Variants in PRKAG2 observed in about 807,000 individuals in gnomAD.
PRKAG2 encodes the protein protein kinase AMP-activated non-catalytic subunit gamma 2, also known as 5'-AMP-activated protein kinase subunit gamma-2.
PRKAG2 carries 26 observed loss-of-function variants against 69.6 expected under a neutral mutation model. The ratio of observed to expected loss-of-function variants is 0.37; its 90% CI spans 0.27 to 0.52. PRKAG2 has a LOEUF of 0.52. Ranked by LOEUF, PRKAG2 falls within the 20% of genes least tolerant of loss-of-function variation. The pLI, the probability that PRKAG2 is intolerant of heterozygous loss-of-function variation, is 0.90. For synonymous variants in PRKAG2, 293 were observed against 285.0 expected (o/e 1.03, Z -0.28); for missense variants, 557 against 740.0 (o/e 0.75, Z 2.87).
chr7:151,600,530 A>C (rs866254310), intron 5 of PRKAG2, among the ~76,000 whole-genome samples: 20 of 152,292 alleles, frequency 1.3e-4, no homozygotes, highest in East Asian at 7.7e-4. Context: ...TATAATGCAG[A>C]GTTTTGTCAC....
intron 5 of PRKAG2, among the ~76,000 whole-genome samples, chr7:151,610,998 G>A (rs951993222): frequency 1.3e-4 from 20 of 151,994 alleles, no homozygotes; most frequent in African/African-American, 2.7e-4. Context: ...CAGGTGATCC[G>A]TCCACCTTGG....
rs1316252680 is a variant in PRKAG2, at chr7:151,699,497, C to T, written c.467-23860G>A. Among the ~76,000 whole-genome samples, 2 of 152,184 alleles carry T rather than the reference C, an allele frequency of 1.3e-5. No homozygotes were observed. Among genetic ancestry groups the T allele is most frequent in the Admixed American group, 6.5e-5 (1 of 15,280 alleles). The stretch of plus-strand genomic sequence containing the variant: ...GGCCAGCACAGGAGGCCCCTCCTTC[C>T]TGTTGGAGATGTTTAGTTTTATGAT... On this transcript the variant is annotated intron_variant, in intron 3 of 15. Coordinates refer to ENST00000287878, the MANE Select transcript of PRKAG2 (RefSeq NM_016203.4). The surrounding 1 kb of genome is among the most constrained non-coding windows in gnomAD (Gnocchi z 4.5).
rs2076024007 is a variant in PRKAG2 at position 151,771,587 on chromosome 7, C to T, written c.466+9565G>A. 6.6e-6 allele frequency among the ~76,000 whole-genome samples: 1 copy of T among 152,180 alleles called. No homozygotes were observed. Among genetic ancestry groups the T allele is most frequent in the Non-Finnish European group, 1.5e-5 (1 of 68,030 alleles). ...TATATATCAATATCACCTGAGGAGC[C>T]TGTTAAAACTTTCGATTCCAAGACT... On this transcript the variant is annotated intron_variant, in intron 3 of 15. Transcript: ENST00000287878. The surrounding 1 kb of genome is among the most constrained non-coding windows in gnomAD (Gnocchi z 4.0).
chr7:151,558,830 A>G (rs1804327668), intron 15 of PRKAG2: 1 of 985,300 alleles, frequency 1.0e-6, no homozygotes, highest in Non-Finnish European at 1.2e-6. Flanking sequence ...AATTTTTGAA[A>G]TACCAAATCT....
chr7:151,750,127 C>T (rs778554148), intron 3 of PRKAG2, among the ~76,000 whole-genome samples: 84 of 150,794 alleles, frequency 5.6e-4, no homozygotes, highest in Non-Finnish European at 9.0e-4. Flanking sequence ...AGAACTGAAC[C>T]GTTGGCAAGG....
intron 4 of PRKAG2, chr7:151,675,206 C>T: frequency 1.7e-6 from 1 of 589,636 alleles, no homozygotes; most frequent in Non-Finnish European, 3.1e-6. Flanking sequence ...CAGGTGTGAG[C>T]CACCGCACCC....
rs111648956 is a variant in PRKAG2, at chr7:151,693,414, C to T, written c.467-17777G>A. ...TTTGCAGGCCTGAATATGCCCCACC[C>T]GTCCCTCCTCCAGGCCCATCACCTC... is the stretch of plus-strand genomic sequence containing the variant. On this transcript the variant is annotated intron_variant, in intron 3 of 15. Transcript: ENST00000287878. Among the ~76,000 whole-genome samples the T allele has an allele frequency of 3.3e-4, 50 of 152,288 alleles. No homozygotes were observed. In the South Asian group the frequency reaches 5.2e-3, roughly 16 times the overall value.
intron 2 of PRKAG2, among the ~76,000 whole-genome samples, chr7:151,783,980 T>C (rs1226260241): frequency 6.8e-6 from 1 of 146,090 alleles, no homozygotes; most frequent in Non-Finnish European, 1.5e-5. Context: ...TGTGCAGGTC[T>C]AGGGTGGGAT....
intron 1 of PRKAG2, among the ~76,000 whole-genome samples, chr7:151,787,863 A>C (rs774676029): frequency 2.6e-5 from 4 of 152,168 alleles, no homozygotes; most frequent in Non-Finnish European, 4.4e-5. Context: ...AGGCACCTAC[A>C]AGACAGAGAC....
chr7:151,609,536 A>T (rs1414577354), intron 5 of PRKAG2, among the ~76,000 whole-genome samples: 1 of 152,206 alleles, frequency 6.6e-6, no homozygotes, highest in Non-Finnish European at 1.5e-5. Flanking sequence ...TATTTATAAA[A>T]ATAACAACTG....
Position 151,699,426 on chromosome 7 carries a change from C to A in PRKAG2, c.467-23789G>T, listed in dbSNP as rs1032014209. ...AGAGGCGCTAAGGTGGCCCTGGAGC[C>A]GTGAATTCACTGGGATTGAGATCAT... On this transcript the variant is annotated intron_variant, in intron 3 of 15. Transcript: ENST00000287878. The surrounding 1 kb of genome is among the most constrained non-coding windows in gnomAD (Gnocchi z 4.5). Among the ~76,000 whole-genome samples the A allele has an allele frequency of 6.6e-6, 1 of 152,164 alleles. No individual in the cohort carries two copies. The highest frequency in any genetic ancestry group is 1.5e-5 in the Non-Finnish European group (1 of 68,036).
At chr7:151,678,436 G>A (rs1048846151) in intron 3 of PRKAG2, among the ~76,000 whole-genome samples, 14 of 152,164 alleles carry the variant, frequency 9.2e-5, no homozygotes, top group African/African-American at 3.4e-4. Flanking sequence ...TGTGGAGAGT[G>A]GGGCGCATGT....
At chr7:151,785,481 G>T (rs930969266) in intron 2 of PRKAG2, among the ~76,000 whole-genome samples, 13 of 152,332 alleles carry the variant, frequency 8.5e-5, no homozygotes, top group Admixed American at 7.8e-4. Flanking sequence ...CTTGTTCAGG[G>T]CAGGGTGGGG....
intron 5 of PRKAG2, 74 bp downstream of exon 5, chr7:151,631,995 G>T (rs1376990865): frequency 2.6e-5 from 30 of 1,154,588 alleles, no homozygotes; most frequent in Non-Finnish European, 3.2e-5. Flanking sequence ...GGGGCGCGGG[G>T]TCCCCGCGGG....
intron 4 of PRKAG2, among the ~76,000 whole-genome samples, chr7:151,642,455 C>T (rs1468348831): frequency 2.0e-5 from 3 of 152,144 alleles, no homozygotes; most frequent in East Asian, 1.9e-4. Context: ...CTTGACTCCA[C>T]GAGTTCAAGG....
intron 1 of PRKAG2, among the ~76,000 whole-genome samples, chr7:151,870,627 A>G (rs1020142856): frequency 6.6e-6 from 1 of 152,164 alleles, no homozygotes; most frequent in Non-Finnish European, 1.5e-5. Flanking sequence ...TCGATCCTCC[A>G]GCCCCGGGGC....
chr7:151,725,788 C>T (rs1797843690), intron 3 of PRKAG2, among the ~76,000 whole-genome samples: 1 of 152,104 alleles, frequency 6.6e-6, no homozygotes, highest in African/African-American at 2.4e-5. Flanking sequence ...TGGTCTGCAC[C>T]CTGCCTGTGC....
chr7:151,736,395 T>C (rs1271644832), intron 3 of PRKAG2: 18 of 992,612 alleles, frequency 1.8e-5, no homozygotes, highest in Non-Finnish European at 2.0e-5. Context: ...TTTTTTTTTT[T>C]TTTTTTTCTC....
chr7:151,601,613 G>C (rs1248625093), intron 5 of PRKAG2, among the ~76,000 whole-genome samples: 1 of 152,136 alleles, frequency 6.6e-6, no homozygotes, highest in Non-Finnish European at 1.5e-5. Flanking sequence ...GAACTGTCTC[G>C]TGGGAGGACC....
Sources: gnomAD v4.1 joint callset for allele counts (sites outside exome capture counted in the v4.1 genomes callset) on GRCh38, gnomAD v4.1.1 for gene constraint, Gnocchi (gnomAD v3.1) non-coding constraint, MANE v1.5 for transcripts, NCBI Gene and HGNC (gene_info 2026-07-23, HGNC 2026-07-21) for gene names.